NUP98: variants seen among roughly 807,000 people sequenced by gnomAD.
NUP98 encodes the protein nuclear pore complex protein Nup98-Nup96.
NUP98 carries 26 observed loss-of-function variants against 191.9 expected under a neutral mutation model. The ratio of observed to expected loss-of-function variants is 0.14; its 90% CI spans 0.10 to 0.19. The LOEUF is 0.19. Among genes scored for constraint, NUP98 ranks in the 10% least tolerant of loss-of-function variants. NUP98 has a pLI of 1.00. For synonymous variants in NUP98, 808 were observed against 778.4 expected (o/e 1.04, Z -0.63); for missense variants, 1,941 against 2,178.8 (o/e 0.89, Z 2.17).
chr11:3,773,668 A>C lies in NUP98; in HGVS notation c.567T>G (p.Ile189Met). ...TGCTTTCATATTCTTTCATAGCAGT[A>C]ATACACTGGTGCTTGGTACTTATGT... ...STNISTKHQC[I>M]TAMKEYESKS... Residue 189 changes from isoleucine to methionine, a missense_variant, in exon 6 of 33, where the codon ATT (isoleucine) becomes ATG (methionine). By Grantham distance (10) the Ile-to-Met change is conservative. Around this residue, in one of 6 missense-constraint regions of NUP98, gnomAD observed 28 missense variants for 74.0 expected, o/e 0.38. Transcript: ENST00000324932. 1.9e-6 allele frequency: 3 copies of C among 1,612,582 alleles called. No individual in the cohort carries two copies. Among genetic ancestry groups the C allele is most frequent in the Non-Finnish European group, 2.5e-6 (3 of 1,178,788 alleles).
chr11:3,784,282 A>G (rs2082068337), intron 1 of NUP98, among the ~76,000 whole-genome samples: 1 of 152,234 alleles, frequency 6.6e-6, no homozygotes, highest in African/African-American at 2.4e-5. Context: ...TGTCCCTTAA[A>G]TAAATGCTTT....
At chr11:3,676,403 C>A in intron 32 of NUP98, 27 bp from the exon 33 acceptor site, 1 of 1,612,814 alleles carries the variant, frequency 6.2e-7, no homozygotes, top group Non-Finnish European at 8.5e-7. Flanking sequence ...GAGTCAAGCA[C>A]TGAGCATGGG....
intron 14 of NUP98, 22 bp from the exon 15 acceptor site, chr11:3,725,241 AAG>A (rs746009530): frequency 8.5e-7 from 1 of 1,180,722 alleles, no homozygotes; most frequent in Non-Finnish European, 1.2e-6. Flanking sequence ...AAACCAAAAG[AAG>A]AAGAAAAAAA....
chr11:3,739,043 A>G (rs566919721), intron 12 of NUP98, among the ~76,000 whole-genome samples: 1 of 152,290 alleles, frequency 6.6e-6, no homozygotes, highest in East Asian at 1.9e-4. Flanking sequence ...TGTACATTCT[A>G]AAAGTAAATA....
Position 3,699,310 on chromosome 11 carries a change from C to T in NUP98, c.3781G>A (p.Ala1261Thr), listed in dbSNP as rs1300981537. 4 of 1,614,216 alleles carry T rather than the reference C, an allele frequency of 2.5e-6. No individual in the cohort carries two copies. Among genetic ancestry groups the T allele is most frequent in the Non-Finnish European group, 3.4e-6 (4 of 1,180,038 alleles). ...HWSLTWTLCEALWGHLKELDS... is the reference protein window; with the variant it reads ...HWSLTWTLCETLWGHLKELDS... ...AGCTCCTTCAGGTGGCCCCATAGGG[C>T]TTCACATAGTGTCCATGTCAGGCTC... The change falls in exon 25 of 33, where the codon GCC (alanine) becomes ACC (threonine). Residue 1261 changes from alanine (A) to threonine (T), a missense_variant. Transcript: ENST00000324932.
At chr11:3,794,547 A>C (rs1471187616) in intron 1 of NUP98, among the ~76,000 whole-genome samples, 1 of 150,498 alleles carries the variant, frequency 6.6e-6, no homozygotes, top group Non-Finnish European at 1.5e-5. Context: ...GGCTGGTCTC[A>C]AACTCCTGAG....
chr11:3,771,365 A>G (rs2081525795), intron 7 of NUP98, among the ~76,000 whole-genome samples: 1 of 152,170 alleles, frequency 6.6e-6, no homozygotes, highest in Non-Finnish European at 1.5e-5. Context: ...ATTGGCCTAC[A>G]AAGTCGTATA....
At chr11:3,719,021 G>A (rs112292772) in intron 18 of NUP98, among the ~76,000 whole-genome samples, 10,723 of 152,006 alleles carry the variant, frequency 0.071, 671 homozygotes, top group South Asian at 0.19. Flanking sequence ...TTGGGAGGCT[G>A]AGGCAGGAGA....
At chr11:3,754,968 AT>A (rs2080908067) in intron 10 of NUP98, among the ~76,000 whole-genome samples, 1 of 144,346 alleles carries the variant, frequency 6.9e-6, no homozygotes, top group African/African-American at 2.6e-5. Flanking sequence ...AAAAAAATCC[AT>A]AGGTATCAAA....
intron 22 of NUP98, among the ~76,000 whole-genome samples, chr11:3,703,540 T>G (rs2078772844): frequency 6.6e-6 from 1 of 152,138 alleles, no homozygotes; most frequent in South Asian, 2.1e-4. Flanking sequence ...ATGATTAGCA[T>G]TATTATCATT....
intron 11 of NUP98, among the ~76,000 whole-genome samples, chr11:3,751,043 C>T (rs527512375): frequency 3.1e-4 from 47 of 152,202 alleles, no homozygotes; most frequent in African/African-American, 1.1e-3. Context: ...GTCACTCATA[C>T]AGGGTGTAGT....
At chr11:3,752,741 CTT>C (rs1436571010) in intron 11 of NUP98, among the ~76,000 whole-genome samples, 2 of 152,110 alleles carry the variant, frequency 1.3e-5, no homozygotes, top group South Asian at 2.1e-4. Context: ...TGCTAAAACA[CTT>C]ATATATTTTA....
chr11:3,727,521 A>G (rs905177712), intron 14 of NUP98, among the ~76,000 whole-genome samples: 2 of 152,120 alleles, frequency 1.3e-5, no homozygotes, highest in African/African-American at 2.4e-5. Flanking sequence ...ACAGAAAACA[A>G]TAACTGCATT....
intron 8 of NUP98, 78 bp from the exon 9 acceptor site, chr11:3,763,117 T>G: frequency 7.2e-7 from 1 of 1,385,254 alleles, no homozygotes; most frequent in Non-Finnish European, 9.9e-7. Flanking sequence ...AAAAAAAAAG[T>G]TACCATTTTT....
intron 2 of NUP98, among the ~76,000 whole-genome samples, chr11:3,780,297 G>A (rs1005391032): frequency 2.1e-4 from 31 of 150,740 alleles, no homozygotes; most frequent in African/African-American, 3.9e-4. Flanking sequence ...TTGGGAGGCC[G>A]AGGCAAGCAG....
intron 11 of NUP98, among the ~76,000 whole-genome samples, chr11:3,749,526 G>A (rs1191423871): frequency 6.6e-6 from 1 of 152,186 alleles, no homozygotes; most frequent in East Asian, 1.9e-4. Flanking sequence ...ATGGGAGGCT[G>A]AGGCAGGAGA....
At position 3,773,954 on chromosome 11, in the gene NUP98, C is replaced by A. The variant is rs144165154; in HGVS notation, c.496-215G>T. Reference sequence around the variant, plus strand: ...ATCGATCTTAGTAACAAAGTAATCACAAACGCAGGGATTAATCCCATAACC... The same window carrying A: ...ATCGATCTTAGTAACAAAGTAATCAAAAACGCAGGGATTAATCCCATAACC... On this transcript the variant is annotated intron_variant, in intron 5 of 32. Coordinates refer to ENST00000324932, the MANE Select transcript of NUP98 (RefSeq NM_016320.5). Among the ~76,000 whole-genome samples the A allele has an allele frequency of 1.6e-3, 251 of 152,300 alleles. 1 individual carries two copies. Among genetic ancestry groups the A allele is most frequent in the Middle Eastern group, 6.8e-3 (2 of 294 alleles).
chr11:3,771,621 C>T (rs1366804434), intron 7 of NUP98, 127 bp downstream of exon 7: 1 of 766,170 alleles, frequency 1.3e-6, no homozygotes, highest in Non-Finnish European at 2.1e-6. Flanking sequence ...AGGCATTCCT[C>T]CCTATTCCTA....
At chr11:3,681,660 T>C (rs1019377021) in intron 30 of NUP98, among the ~76,000 whole-genome samples, 6 of 152,178 alleles carry the variant, frequency 3.9e-5, no homozygotes, top group African/African-American at 1.4e-4. Flanking sequence ...AAGTATTCAG[T>C]AAACTGAGCT....
Sources: gnomAD v4.1 joint callset for allele counts (sites outside exome capture counted in the v4.1 genomes callset) on GRCh38, gnomAD v4.1.1 for gene constraint, gnomAD v4.1.1 regional missense constraint, MANE v1.5 for transcripts, NCBI Gene and HGNC (gene_info 2026-07-23, HGNC 2026-07-21) for gene names.